The following TUT4 variants were observed in gnomAD, a reference collection of about 807,000 sequenced individuals.
TUT4 encodes terminal uridylyltransferase 4.
In TUT4, 36 loss-of-function variants were observed where a neutral mutation model predicts 192.2. The ratio of observed to expected loss-of-function variants is 0.19; its 90% CI spans 0.14 to 0.25. The LOEUF (loss-of-function observed/expected upper bound fraction) is 0.25. TUT4 is among the 10% of genes least tolerant of loss of function. The probability of loss-of-function intolerance (pLI) is 1.00; values close to 1 mark genes in which losing one functional copy is unlikely to be tolerated. For missense variants in TUT4, 1,493 were observed against 1,957.2 expected (o/e 0.76, Z 4.47); for synonymous variants, 618 against 666.0 (o/e 0.93, Z 1.11).
At chr1:52,446,983 T>C (rs1198799797) in intron 20 of TUT4, among the ~76,000 whole-genome samples, 2 of 152,166 alleles carry the variant, frequency 1.3e-5, no homozygotes, top group African/African-American at 4.8e-5. Flanking sequence ...ACAGCAGTCA[T>C]GATGAAACAG....
intron 4 of TUT4, among the ~76,000 whole-genome samples, chr1:52,502,770 G>C (rs765299092): frequency 6.6e-6 from 1 of 151,836 alleles, no homozygotes; most frequent in East Asian, 1.9e-4. Flanking sequence ...CCACAGGCAC[G>C]TGCCACCACG....
intron 8 of TUT4, among the ~76,000 whole-genome samples, chr1:52,489,329 A>G (rs1463558926): frequency 6.6e-6 from 1 of 152,216 alleles, no homozygotes; most frequent in Non-Finnish European, 1.5e-5. Context: ...CAAAAGCAGC[A>G]TTATGAATTA....
chr1:52,458,326 A>C lies in TUT4; in HGVS notation c.3435+10T>G. ...AAAAAAACTCCTTTATAGTTTTCTT[A>C]AACACCTACCTCTTGTAGAACTGGG... On this transcript the variant is annotated intron_variant, in intron 20 of 29. Coordinates refer to ENST00000257177, the MANE Select transcript of TUT4 (RefSeq NM_001009881.3). 1 of 1,604,242 alleles carries C rather than the reference A, an allele frequency of 6.2e-7. No homozygotes were observed. Among genetic ancestry groups the C allele is most frequent in the East Asian group, 2.2e-5 (1 of 44,784 alleles).
At chr1:52,489,988 T>TTGA (rs1169746636) in intron 8 of TUT4, among the ~76,000 whole-genome samples, 1 of 152,176 alleles carries the variant, frequency 6.6e-6, no homozygotes, top group Non-Finnish European at 1.5e-5. Context: ...CAAAGGCACT[T>TTGA]TGATCTCTTA....
intron 3 of TUT4, among the ~76,000 whole-genome samples, chr1:52,512,388 A>G (rs1248631761): frequency 6.6e-6 from 1 of 152,230 alleles, no homozygotes; most frequent in African/African-American, 2.4e-5. Context: ...AATTGTTATC[A>G]ATCCCATTTT....
At chr1:52,466,709 C>T (rs1466743386) in intron 15 of TUT4, among the ~76,000 whole-genome samples, 1 of 145,798 alleles carries the variant, frequency 6.9e-6, no homozygotes, top group Non-Finnish European at 1.5e-5. Flanking sequence ...TCGCTCTTGT[C>T]GCCCAGGCTG....
chr1:52,534,870 AT>A (rs1193834706), intron 1 of TUT4: 1 of 152,248 alleles, frequency 6.6e-6, no homozygotes, highest in Non-Finnish European at 1.5e-5. Context: ...CCCCAAAAAA[AT>A]AAAATAAAAT....
chr1:52,543,464 C>T (rs1558024037), intron 1 of TUT4, among the ~76,000 whole-genome samples: 1 of 151,008 alleles, frequency 6.6e-6, no homozygotes, highest in Non-Finnish European at 1.5e-5. Context: ...ATTCTATGTC[C>T]ACAGACCAAA....
In TUT4 at chr1:52,452,152, G is replaced by T. The variant is rs369716691; in HGVS notation, c.3436-5485C>A. ...AATACCAAAACCAGACAAAGACATT[G>T]TAAGTAAAGAAAACTACAGACCAAT... is the stretch of plus-strand genomic sequence containing the variant. On this transcript the variant is annotated intron_variant, in intron 20 of 29. Transcript: ENST00000257177. Among the ~76,000 whole-genome samples the T allele has an allele frequency of 7.2e-4, 110 of 152,106 alleles. No individual in the cohort carries two copies. In the Middle Eastern group the frequency reaches 0.014, roughly 19 times the overall value.
At chr1:52,463,295 G>T (rs1196637016) in intron 16 of TUT4, 1 of 991,496 alleles carries the variant, frequency 1.0e-6, no homozygotes, top group Non-Finnish European at 1.2e-6. Flanking sequence ...CTTCAGAATG[G>T]AGAAGGGCAG....
intron 26 of TUT4, 133 bp downstream of exon 26, chr1:52,436,622 C>A: frequency 7.2e-7 from 1 of 1,384,712 alleles, no homozygotes; most frequent in South Asian, 1.4e-5. Flanking sequence ...TAAATTTTAT[C>A]TCTTTAAGAA....
chr1:52,478,025 G>T, intron 11 of TUT4, 143 bp from the exon 12 acceptor site: 1 of 706,116 alleles, frequency 1.4e-6, no homozygotes, highest in Non-Finnish European at 2.3e-6. Flanking sequence ...TCAGTTTGAA[G>T]CAAAGCTGGG....
chr1:52,490,800 T>C lies in TUT4; in HGVS notation c.1320A>G (p.Val440=), dbSNP rs1279206460. Residue 440 remains valine, a splice_region_variant and synonymous_variant, in exon 8 of 30, where the codon GTA becomes GTG. Transcript: ENST00000257177. ...AATCAGATTCCACATCTACATATAA[T>C]ACTAATAAGGAAAAAAAAAAGTAAG... ...IKVLGILKKN[V]LYVDVESDFH... The C allele has an allele frequency of 1.9e-6, 3 of 1,607,736 alleles. No individual in the cohort carries two copies. Among genetic ancestry groups the C allele is most frequent in the Non-Finnish European group, 2.5e-6 (3 of 1,177,172 alleles).
intron 14 of TUT4, among the ~76,000 whole-genome samples, chr1:52,470,125 A>G (rs1427239083): frequency 1.3e-5 from 2 of 152,110 alleles, no homozygotes; most frequent in African/African-American, 4.8e-5. Context: ...GGCACAAAAT[A>G]TACATGCAGT....
At chr1:52,500,440 C>T (rs1673769931) in intron 4 of TUT4, among the ~76,000 whole-genome samples, 1 of 152,110 alleles carries the variant, frequency 6.6e-6, no homozygotes, top group African/African-American at 2.4e-5. Flanking sequence ...TTAGCCTGGG[C>T]AACATAGTTG....
At chr1:52,466,017 A>G (rs1664022038) in intron 15 of TUT4, among the ~76,000 whole-genome samples, 1 of 152,194 alleles carries the variant, frequency 6.6e-6, no homozygotes, top group Non-Finnish European at 1.5e-5. Flanking sequence ...AGTGGCTGAG[A>G]TAACAGGTGT....
At chr1:52,425,306 A>G in intron 29 of TUT4, 43 bp downstream of exon 29, 1 of 1,586,814 alleles carries the variant, frequency 6.3e-7, no homozygotes, top group Non-Finnish European at 8.6e-7. Flanking sequence ...ATCCCAGAAT[A>G]AAACCCACCC....
chr1:52,436,822 A>G lies in TUT4; in HGVS notation c.4095T>C (p.Asp1365=). 1 of 1,612,880 alleles carries G rather than the reference A, an allele frequency of 6.2e-7. No homozygotes were observed. Among genetic ancestry groups the G allele is most frequent in the Non-Finnish European group, 8.5e-7 (1 of 1,179,936 alleles). Reference sequence around the variant, plus strand: ...GGCACTCCCTTCGTACATGTCCAGCATCTCCACATATAAAACATCTGAGGT... The same window carrying G: ...GGCACTCCCTTCGTACATGTCCAGCGTCTCCACATATAAAACATCTGAGGT... ...PRDLRCFICG[D]AGHVRRECPE... is the part of the protein sequence containing the mutation. Residue 1365 remains aspartate, a synonymous_variant, in exon 26 of 30, where the codon GAT becomes GAC. Coordinates refer to ENST00000257177, the MANE Select transcript of TUT4 (RefSeq NM_001009881.3).
At chr1:52,517,770 T>C (rs943686552) in intron 2 of TUT4, among the ~76,000 whole-genome samples, 2 of 152,236 alleles carry the variant, frequency 1.3e-5, no homozygotes, top group Non-Finnish European at 2.9e-5. Flanking sequence ...CATTTTATTA[T>C]GGAAATGTAG....
Sources: gnomAD v4.1 joint callset for allele counts (sites outside exome capture counted in the v4.1 genomes callset) on GRCh38, gnomAD v4.1.1 for gene constraint, MANE v1.5 for transcripts, NCBI Gene and HGNC (gene_info 2026-07-23, HGNC 2026-07-21) for gene names.